SORCS3: variants seen among roughly 807,000 people sequenced by gnomAD.
The protein encoded by SORCS3 is sortilin related VPS10 domain containing receptor 3.
In SORCS3, 57 loss-of-function variants were observed where a neutral mutation model predicts 146.3. The observed-to-expected ratio is 0.39, with a 90% CI of 0.31 to 0.49. SORCS3 has a LOEUF of 0.49. Ranked by LOEUF, SORCS3 falls within the 20% of genes least tolerant of loss-of-function variation. SORCS3 has a pLI of 0.92. For synonymous variants in SORCS3, 653 were observed against 618.5 expected, an observed-to-expected ratio of 1.06 and a Z score of -0.83; for missense variants, 1,341 against 1,575.5, an observed-to-expected ratio of 0.85 and a Z score of 2.52.
At chr10:105,105,348 C>G in intron 6 of SORCS3, 49 bp from the exon 7 acceptor site, 1 of 1,270,632 alleles carries the variant, frequency 7.9e-7, no homozygotes, top group Non-Finnish European at 1.1e-6. Flanking sequence ...CTGGGGCTCC[C>G]TCATGATTTT....
At chr10:105,181,827 T>C (rs1458032950) in intron 14 of SORCS3, among the ~76,000 whole-genome samples, 1 of 152,198 alleles carries the variant, frequency 6.6e-6, no homozygotes, top group African/African-American at 2.4e-5. Flanking sequence ...ATGAGATGCC[T>C]GTGGCTGTTG....
intron 1 of SORCS3, among the ~76,000 whole-genome samples, chr10:104,650,144 G>A (rs1202729019): frequency 6.6e-6 from 1 of 152,200 alleles, no homozygotes; most frequent in Non-Finnish European, 1.5e-5. Flanking sequence ...CTGTTCCCCA[G>A]AATTATCACA....
Position 105,091,221 on chromosome 10 carries a change from CTCCTTCCTTCCTTCCCTCCT to C in SORCS3, c.1093+1394_1093+1413del, listed in dbSNP as rs1589627860. On this transcript the variant is annotated intron_variant, in intron 6 of 26. Transcript: ENST00000369701. ...CTTCCTTCCCTCCTTCCTTCCTTCC[CTCCTTCCTTCCTTCCCTCCT>C]TCCTTCCTTCCCTCCTTCCTTCCTT... is the stretch of plus-strand genomic sequence containing the variant. 2.8e-5 allele frequency among the ~76,000 whole-genome samples: 3 copies of C among 105,600 alleles called. No homozygotes were observed. In the East Asian group the frequency reaches 8.6e-4, roughly 30 times the overall value. 69.3% of individuals were successfully genotyped at this position (105,600 alleles called of 152,430 possible).
chr10:105,191,891 CATTTA>C (rs2056519324), intron 14 of SORCS3, among the ~76,000 whole-genome samples: 1 of 152,140 alleles, frequency 6.6e-6, no homozygotes, highest in Admixed American at 6.5e-5. Context: ...TGTTCCTAAA[CATTTA>C]ATATATTTCA....
chr10:105,014,964 C>T (rs1381339735), intron 4 of SORCS3, among the ~76,000 whole-genome samples: 2 of 152,154 alleles, frequency 1.3e-5, no homozygotes, highest in Non-Finnish European at 2.9e-5. Context: ...TTATAAGCTA[C>T]CCAGTTTATG....
chr10:105,199,873 A>G, intron 14 of SORCS3, 126 bp from the exon 15 acceptor site: 2 of 697,342 alleles, frequency 2.9e-6, no homozygotes, highest in South Asian at 3.5e-5. Context: ...CAAGGAACTC[A>G]CTTTGGAAGA....
intron 5 of SORCS3, among the ~76,000 whole-genome samples, chr10:105,070,215 T>C (rs1043663505): frequency 2.6e-5 from 4 of 152,248 alleles, no homozygotes; most frequent in Non-Finnish European, 4.4e-5. Context: ...CATTTATCAA[T>C]ATCATCAGCA....
intron 7 of SORCS3, among the ~76,000 whole-genome samples, chr10:105,120,969 C>G (rs1360663831): frequency 6.6e-6 from 1 of 152,058 alleles, no homozygotes; most frequent in Admixed American, 6.5e-5. Context: ...AAGGGTGGCA[C>G]TCATGGTGTT....
At chr10:104,704,927 G>T (rs1365389189) in intron 1 of SORCS3, among the ~76,000 whole-genome samples, 1 of 152,096 alleles carries the variant, frequency 6.6e-6, no homozygotes, top group Non-Finnish European at 1.5e-5. Context: ...GTACACAGGT[G>T]CCCTTTCCTT....
intron 2 of SORCS3, among the ~76,000 whole-genome samples, chr10:104,858,298 A>G (rs190833617): frequency 1.0e-3 from 152 of 152,320 alleles, no homozygotes; most frequent in African/African-American, 3.5e-3. Context: ...TCTTTACATA[A>G]TTGAGATCCT....
chr10:104,984,931 G>A (rs183807483), intron 4 of SORCS3, among the ~76,000 whole-genome samples: 1 of 152,248 alleles, frequency 6.6e-6, no homozygotes, highest in East Asian at 1.9e-4. Context: ...TGAGCCTTAA[G>A]CAAATTATAA....
intron 5 of SORCS3, among the ~76,000 whole-genome samples, chr10:105,063,039 C>T (rs375388116): frequency 4.6e-5 from 7 of 152,202 alleles, no homozygotes; most frequent in Admixed American, 2.0e-4. Context: ...TGTCATTAAT[C>T]GCTAATTGCT....
At position 104,696,243 on chromosome 10, in the gene SORCS3, C is replaced by CATATAAT. The variant is rs1446476899; in HGVS notation, c.627+54293_627+54294insAATATAT. On this transcript the variant is annotated intron_variant, in intron 1 of 26. Coordinates refer to ENST00000369701, the MANE Select transcript of SORCS3 (RefSeq NM_014978.3). ...ACATATATAATATATATCATATACA[C>CATATAAT]ATATGATATATGATATATATCATAT... Among the ~76,000 whole-genome samples, 20 of 114,866 alleles carry CATATAAT rather than the reference C, an allele frequency of 1.7e-4. 5 individuals are homozygous for CATATAAT. The highest frequency in any genetic ancestry group is 5.5e-4 in the African/African-American group (15 of 27,306). 75.4% of individuals were successfully genotyped at this position (114,866 alleles called of 152,430 possible).
intron 20 of SORCS3, among the ~76,000 whole-genome samples, chr10:105,242,462 A>G (rs2056832724): frequency 1.2e-5 from 1 of 85,984 alleles, no homozygotes; most frequent in Middle Eastern, 0.013. Context: ...ATATATATTT[A>G]TATATTTATA....
chr10:104,909,389 G>A (rs1358883427), intron 2 of SORCS3, among the ~76,000 whole-genome samples: 1 of 152,134 alleles, frequency 6.6e-6, no homozygotes, highest in Non-Finnish European at 1.5e-5. Flanking sequence ...CGCAGAAGTT[G>A]CTGAGAGGAA....
intron 2 of SORCS3, among the ~76,000 whole-genome samples, chr10:104,865,407 C>T (rs917269559): frequency 1.3e-5 from 2 of 152,192 alleles, no homozygotes; most frequent in Non-Finnish European, 2.9e-5. Flanking sequence ...AGATCACTGA[C>T]ATTTCATGCT....
intron 1 of SORCS3, among the ~76,000 whole-genome samples, chr10:104,671,097 A>T (rs1174885023): frequency 2.6e-5 from 4 of 151,078 alleles, no homozygotes; most frequent in Non-Finnish European, 5.9e-5. Flanking sequence ...GTAAACAGAG[A>T]TAATTTTACT....
chr10:105,062,488 G>A (rs1015601625), intron 5 of SORCS3, among the ~76,000 whole-genome samples: 3 of 152,174 alleles, frequency 2.0e-5, no homozygotes, highest in African/African-American at 4.8e-5. Flanking sequence ...AGCCCATGTT[G>A]TCAAATTTAA....
chr10:104,808,107 T>C (rs998050315), intron 1 of SORCS3, among the ~76,000 whole-genome samples: 1 of 152,164 alleles, frequency 6.6e-6, no homozygotes, highest in Non-Finnish European at 1.5e-5. Context: ...ATTTGGAATC[T>C]GGGTGGGGGG....
Sources: gnomAD v4.1 joint callset for allele counts (sites outside exome capture counted in the v4.1 genomes callset) on GRCh38, gnomAD v4.1.1 for gene constraint, MANE v1.5 for transcripts, NCBI Gene and HGNC (gene_info 2026-07-23, HGNC 2026-07-21) for gene names.